The following HDAC3 variants were observed in gnomAD, a reference collection of about 807,000 sequenced individuals.
HDAC3 encodes the protein SMAP45.
A neutral mutation model predicts 62.3 loss-of-function variants in HDAC3; 21 were observed. The observed-to-expected ratio is 0.34, with a 90% CI of 0.24 to 0.49. The LOEUF (loss-of-function observed/expected upper bound fraction) is 0.49. HDAC3 is among the 20% of genes least tolerant of loss of function. HDAC3 has a pLI of 0.99. For synonymous variants in HDAC3, 198 were observed against 206.5 expected (o/e 0.96, Z 0.35); for missense variants, 270 against 556.9 (o/e 0.48, Z 5.19).
In HDAC3 at chr5:141,626,489, C is replaced by T. The variant is rs1380541832; in HGVS notation, c.831-206G>A. 6 of 568,676 alleles carry T rather than the reference C, an allele frequency of 1.1e-5. No individual in the cohort carries two copies. In the East Asian group the frequency reaches 1.6e-4, roughly 15 times the overall value. The allele number at this position is 568,676 out of a possible 1,614,324, so 35.2% of individuals were successfully genotyped here. A position where few individuals can be genotyped will look rare whatever the true frequency, so the allele number is the denominator to read the frequency against. On this transcript the variant is annotated intron_variant, in intron 10 of 14. Coordinates refer to ENST00000305264, the MANE Select transcript of HDAC3 (RefSeq NM_003883.4). The surrounding 1 kb of genome is among the most constrained non-coding windows in gnomAD (Gnocchi z 4.6). ...TAAAAATTTTAAAATAAAGCACAGT[C>T]CCCCCTCTGTTCTGCTCAACACCCT...
intron 14 of HDAC3, chr5:141,624,838 A>G: frequency 5.9e-6 from 1 of 170,444 alleles, no homozygotes; most frequent in Non-Finnish European, 1.2e-5. Context: ...TTTACGAAAA[A>G]CCAAAAACCA....
At chr5:141,634,248 G>C (rs1159531710) in intron 3 of HDAC3, among the ~76,000 whole-genome samples, 1 of 151,984 alleles carries the variant, frequency 6.6e-6, no homozygotes, top group African/African-American at 2.4e-5. Context: ...ATTCATAATA[G>C]AGCTGTTTGC....
Position 141,626,254 on chromosome 5 carries a change from T to C in HDAC3, c.860A>G (p.Asn287Ser), listed in dbSNP as rs770027162. ...GECVEYVKSFNIPLLVLGGGG... is the reference protein window; with the variant it reads ...GECVEYVKSFSIPLLVLGGGG... ...ACCACCCAGCACGAGTAGAGGGATA[T>C]TGAAGCTCTTGACATATTCAACGCA... Residue 287 changes from asparagine to serine, a missense_variant, in exon 11 of 15, where the codon AAT (asparagine) becomes AGT (serine). This residue lies in a region of HDAC3 where 156 missense variants were observed against 383.9 expected (regional missense o/e 0.41). Coordinates refer to ENST00000305264, the MANE Select transcript of HDAC3 (RefSeq NM_003883.4). The surrounding 1 kb of genome is among the most constrained non-coding windows in gnomAD (Gnocchi z 4.6). 7.5e-5 allele frequency: 121 copies of C among 1,614,008 alleles called. No individual in the cohort carries two copies. The highest frequency in any genetic ancestry group is 1.0e-4 in the Non-Finnish European group (118 of 1,180,028).
chr5:141,621,342 G>A lies in HDAC3; in HGVS notation c.*126C>T. 1 of 811,780 alleles carries A rather than the reference G, an allele frequency of 1.2e-6. No homozygotes were observed. The highest frequency in any genetic ancestry group is 2.1e-6 in the Non-Finnish European group (1 of 479,404). The allele number at this position is 811,780 out of a possible 1,614,324, so 50.3% of individuals were successfully genotyped here. Reference sequence around the variant, plus strand: ...GTTCGAGAACCAAATGTGGTCTCCAGACTCTTTCCCAGAGTCAGCAAAAGC... The same window carrying A: ...GTTCGAGAACCAAATGTGGTCTCCAAACTCTTTCCCAGAGTCAGCAAAAGC... On this transcript the variant is annotated 3_prime_UTR_variant, in exon 15 of 15. Transcript: ENST00000305264.
chr5:141,622,877 T>C (rs746044524), intron 14 of HDAC3, among the ~76,000 whole-genome samples: 45 of 152,198 alleles, frequency 3.0e-4, no homozygotes, highest in Non-Finnish European at 4.9e-4. Flanking sequence ...TCCTAGCACT[T>C]TGGGAGGCCG....
chr5:141,625,627 C>A lies in HDAC3; in HGVS notation c.1059+58G>T. On this transcript the variant is annotated intron_variant, in intron 13 of 14. Coordinates refer to ENST00000305264, the MANE Select transcript of HDAC3 (RefSeq NM_003883.4). The surrounding 1 kb of genome is among the most constrained non-coding windows in gnomAD (Gnocchi z 4.0). ...TTTTCCTACTTCCCACATCTTTGAC[C>A]TCTCCTGGGCTCCACCTTTCAGGAG... 6.6e-7 allele frequency: 1 copy of A among 1,518,086 alleles called. No homozygotes were observed. The highest frequency in any genetic ancestry group is 9.2e-7 in the Non-Finnish European group (1 of 1,092,612). The allele number at this position is 1,518,086 out of a possible 1,614,324, so 94.0% of individuals were successfully genotyped here.
chr5:141,636,670 T>C (rs1596448713), intron 1 of HDAC3, 40 bp from the exon 2 acceptor site: 23 of 1,612,370 alleles, frequency 1.4e-5, no homozygotes, highest in East Asian at 2.2e-5. Context: ...CTCTCACCCC[T>C]GGAGTTGCAA....
At chr5:141,623,785 A>G (rs1189721378) in intron 14 of HDAC3, among the ~76,000 whole-genome samples, 1 of 152,110 alleles carries the variant, frequency 6.6e-6, no homozygotes, top group Non-Finnish European at 1.5e-5. Flanking sequence ...TCTGCAGCAG[A>G]GCCGGCTCAA....
chr5:141,634,682 A>G, intron 3 of HDAC3, 129 bp downstream of exon 3: 1 of 931,250 alleles, frequency 1.1e-6, no homozygotes, highest in East Asian at 2.5e-5. Flanking sequence ...TATTGAATAA[A>G]CAAATAAAAT....
rs769752465 is a variant in HDAC3 at position 141,626,065 on chromosome 5, A to G, written c.927T>C (p.Tyr309=). The change falls in exon 12 of 15, where the codon TAT becomes TAC. Residue 309 remains tyrosine (Y), a synonymous_variant. Coordinates refer to ENST00000305264, the MANE Select transcript of HDAC3 (RefSeq NM_003883.4). This position sits in a 1 kb window ranked among gnomAD's most constrained non-coding sequence, Gnocchi z 4.6. ...CCTCTTCTACCAGCAGCGATGTCTC[A>G]TATGTCCTGAAACCAACCAGCAGAG... ...TVRNVARCWT[Y]ETSLLVEEAI... is the part of the protein sequence containing the mutation. The G allele has an allele frequency of 5.6e-6, 9 of 1,613,324 alleles. No individual in the cohort carries two copies. The highest frequency in any genetic ancestry group is 6.8e-6 in the Non-Finnish European group (8 of 1,179,284).
Position 141,636,798 on chromosome 5 carries a change from G to C in HDAC3, c.-8C>G, listed in dbSNP as rs2099906084. On this transcript the variant is annotated 5_prime_UTR_variant, in exon 1 of 15. Coordinates refer to ENST00000305264, the MANE Select transcript of HDAC3 (RefSeq NM_003883.4). ...GGCCACGGTCTTGGCCATGGTGCCGGCGGGAGCAGGCCCCGCACCTCCGCC... is the reference window on the plus strand; with the variant it reads ...GGCCACGGTCTTGGCCATGGTGCCGCCGGGAGCAGGCCCCGCACCTCCGCC... The C allele has an allele frequency of 3.1e-6, 5 of 1,600,144 alleles. No homozygotes were observed. Among genetic ancestry groups the C allele is most frequent in the Non-Finnish European group, 3.4e-6 (4 of 1,172,526 alleles).
chr5:141,625,541 C>T lies in HDAC3; in HGVS notation c.1059+144G>A. ...CAACCCCAACTGCCTCTACTTTAAA[C>T]TGGACTGCCTCCTAGTCAATAACAG... On this transcript the variant is annotated intron_variant, in intron 13 of 14. Transcript: ENST00000305264. The surrounding 1 kb of genome is among the most constrained non-coding windows in gnomAD (Gnocchi z 4.0). The T allele has an allele frequency of 9.3e-7, 1 of 1,072,860 alleles. No individual in the cohort carries two copies. The highest frequency in any genetic ancestry group is 1.4e-6 in the Non-Finnish European group (1 of 711,132). The allele number at this position is 1,072,860 out of a possible 1,614,324, so 66.5% of individuals were successfully genotyped here.
chr5:141,636,634 G>C lies in HDAC3; in HGVS notation c.56-4C>G, dbSNP rs752222484. 2 of 1,614,118 alleles carry C rather than the reference G, an allele frequency of 1.2e-6. No individual in the cohort carries two copies. Among genetic ancestry groups the C allele is most frequent in the Non-Finnish European group, 1.7e-6 (2 of 1,179,976 alleles). On this transcript the variant is annotated splice_region_variant and splice_polypyrimidine_tract_variant and intron_variant, in intron 1 of 14. Coordinates refer to ENST00000305264, the MANE Select transcript of HDAC3 (RefSeq NM_003883.4). ...GGCTTCATAGGGTGTCCAGCTCCTG[G>C]GGGTGGGGAGAAGAGAGTTCGTCAG... is the stretch of plus-strand genomic sequence containing the variant.
chr5:141,636,800 G>T lies in HDAC3; in HGVS notation c.-10C>A. 1.9e-6 allele frequency: 3 copies of T among 1,599,890 alleles called. No individual in the cohort carries two copies. The highest frequency in any genetic ancestry group is 2.6e-6 in the Non-Finnish European group (3 of 1,172,386). On this transcript the variant is annotated 5_prime_UTR_variant, in exon 1 of 15. Transcript: ENST00000305264. Reference sequence around the variant, plus strand: ...CCACGGTCTTGGCCATGGTGCCGGCGGGAGCAGGCCCCGCACCTCCGCCGC... The same window carrying T: ...CCACGGTCTTGGCCATGGTGCCGGCTGGAGCAGGCCCCGCACCTCCGCCGC...
intron 2 of HDAC3, 138 bp downstream of exon 2, chr5:141,636,410 G>C (rs2099906012): frequency 1.4e-6 from 1 of 732,986 alleles, no homozygotes; most frequent in South Asian, 1.6e-5. Flanking sequence ...GCACTTTCAA[G>C]GTACTCCTGG....
intron 2 of HDAC3, chr5:141,635,253 G>C (rs965039370): frequency 3.4e-5 from 9 of 263,262 alleles, no homozygotes; most frequent in African/African-American, 1.6e-4. Flanking sequence ...TTCTCTCCAT[G>C]CTCATCTCCT....
Position 141,626,350 on chromosome 5 carries a change from A to AT in HDAC3, c.831-68dup. On this transcript the variant is annotated intron_variant, in intron 10 of 14. Coordinates refer to ENST00000305264, the MANE Select transcript of HDAC3 (RefSeq NM_003883.4). The surrounding 1 kb of genome is among the most constrained non-coding windows in gnomAD (Gnocchi z 4.6). The stretch of plus-strand genomic sequence containing the variant: ...AAAGACAAGGTAAATACCTTTAGGT[A>AT]TTGCCTGAAAGGAGCACAAGAAAAC... 2.0e-5 allele frequency: 24 copies of AT among 1,187,582 alleles called. No homozygotes were observed. Among genetic ancestry groups the AT allele is most frequent in the African/African-American group, 4.5e-5 (3 of 66,546 alleles). The allele number at this position is 1,187,582 out of a possible 1,614,324, so 73.6% of individuals were successfully genotyped here. A position where few individuals can be genotyped will look rare whatever the true frequency, so the allele number is the denominator to read the frequency against.
At position 141,625,508 on chromosome 5, in the gene HDAC3, C is replaced by A; in HGVS notation, c.1060-143G>T. The stretch of plus-strand genomic sequence containing the variant: ...CAGGTCCCCCAACTGATAGCTCTCC[C>A]TCCCCACCAACCCCAACTGCCTCTA... On this transcript the variant is annotated intron_variant, in intron 13 of 14. Transcript: ENST00000305264. This position sits in a 1 kb window ranked among gnomAD's most constrained non-coding sequence, Gnocchi z 4.0. The A allele has an allele frequency of 9.0e-7, 1 of 1,115,580 alleles. No homozygotes were observed. Among genetic ancestry groups the A allele is most frequent in the African/African-American group, 1.5e-5 (1 of 64,618 alleles). 69.1% of individuals were successfully genotyped at this position (1,115,580 alleles called of 1,614,324 possible).
At position 141,626,312 on chromosome 5, in the gene HDAC3, G is replaced by C; in HGVS notation, c.831-29C>G. ...TTAAAAGGAACCAGAGGAAGATGTG[G>C]AGGAGGTTATCAAAAGACAAGGTAA... On this transcript the variant is annotated intron_variant, in intron 10 of 14. Coordinates refer to ENST00000305264, the MANE Select transcript of HDAC3 (RefSeq NM_003883.4). This position sits in a 1 kb window ranked among gnomAD's most constrained non-coding sequence, Gnocchi z 4.6. 2 of 1,572,530 alleles carry C rather than the reference G, an allele frequency of 1.3e-6. No individual in the cohort carries two copies. Among genetic ancestry groups the C allele is most frequent in the Non-Finnish European group, 1.8e-6 (2 of 1,142,790 alleles).
Sources: allele counts gnomAD v4.1 joint callset (sites outside exome capture counted in the v4.1 genomes callset), GRCh38; gene constraint gnomAD v4.1.1; regional missense constraint gnomAD v4.1.1; non-coding constraint Gnocchi (gnomAD v3.1); transcripts MANE v1.5; gene names NCBI Gene and HGNC (gene_info 2026-07-23, HGNC 2026-07-21).